Variants in VWA3A observed in about 807,000 individuals in gnomAD.
VWA3A encodes the protein von Willebrand factor A domain-containing protein 3A.
Under a neutral mutation model 160.4 loss-of-function variants are expected in VWA3A, and 134 were observed. The ratio of observed to expected loss-of-function variants is 0.84; its 90% CI spans 0.73 to 0.96. The LOEUF (loss-of-function observed/expected upper bound fraction) is 0.96. VWA3A is among the 40% of genes least tolerant of loss of function. The pLI is 0.00. For missense variants in VWA3A, 1,310 were observed against 1,447.9 expected, an observed-to-expected ratio of 0.90 and a Z score of 1.55; for synonymous variants, 476 against 543.4, an observed-to-expected ratio of 0.88 and a Z score of 1.72.
chr16:22,138,262 A>G, intron 21 of VWA3A, 98 bp from the exon 22 acceptor site: 1 of 1,415,082 alleles, frequency 7.1e-7, no homozygotes, highest in Non-Finnish European at 9.5e-7. Context: ...AGGGGACATC[A>G]GAGGTTCCAG....
intron 1 of VWA3A, among the ~76,000 whole-genome samples, chr16:22,094,335 T>A (rs536595300): frequency 4.0e-5 from 6 of 151,474 alleles, no homozygotes; most frequent in Non-Finnish European, 7.4e-5. Context: ...TTTTTTTTTT[T>A]AAAGCATTGC....
intron 7 of VWA3A, 143 bp from the exon 8 acceptor site, chr16:22,110,745 G>A: frequency 1.7e-6 from 1 of 597,896 alleles, no homozygotes; most frequent in South Asian, 3.2e-5. Context: ...TCGGCTTGGG[G>A]CTGGCTGCTA....
At chr16:22,117,281 C>T in intron 11 of VWA3A, 105 bp downstream of exon 11, 1 of 1,202,132 alleles carries the variant, frequency 8.3e-7, no homozygotes, top group Non-Finnish European at 1.2e-6. Flanking sequence ...ACTTGTTTCT[C>T]CTTTTCTCCT....
At position 22,116,082 on chromosome 16, in the gene VWA3A, CAGAAAGAAAGAG is replaced by C. The variant is rs567342155; in HGVS notation, c.815+622_815+633del. Among the ~76,000 whole-genome samples, 35 of 134,276 alleles carry C rather than the reference CAGAAAGAAAGAG, an allele frequency of 2.6e-4. 1 individual carries two copies. In the East Asian group the frequency reaches 4.9e-3, roughly 19 times the overall value. The allele number at this position is 134,276 out of a possible 152,430, so 88.1% of individuals were successfully genotyped here. A position where few individuals can be genotyped will look rare whatever the true frequency, so the allele number is the denominator to read the frequency against. On this transcript the variant is annotated intron_variant, in intron 9 of 33. Coordinates refer to ENST00000389398, the MANE Select transcript of VWA3A (RefSeq NM_173615.5). Reference sequence around the variant, plus strand: ...ATGAGGGAGGGATGGCAGTCACAGGCAGAAAGAAAGAGAGAAAGAAAGAAAGAAACAAGAAAA... The same window carrying C: ...ATGAGGGAGGGATGGCAGTCACAGGCAGAAAGAAAGAAAGAAACAAGAAAA...
rs1025619508 is a variant in VWA3A, at chr16:22,142,539, G to A, written c.2495-129G>A. On this transcript the variant is annotated intron_variant, in intron 24 of 33. Transcript: ENST00000389398. ...AGAGAGAGCATTGATCTATTCATGA[G>A]GGATCCGTTCCCATGACCCAAACAC... The A allele has an allele frequency of 7.5e-6, 5 of 664,936 alleles. No homozygotes were observed. The African/African-American group carries it at 8.9e-5, about 12-fold the overall frequency. 41.2% of individuals were successfully genotyped at this position (664,936 alleles called of 1,614,324 possible). A position where few individuals can be genotyped will look rare whatever the true frequency, so the allele number is the denominator to read the frequency against.
At chr16:22,104,275 G>T (rs572333343) in intron 6 of VWA3A, among the ~76,000 whole-genome samples, 1 of 152,112 alleles carries the variant, frequency 6.6e-6, no homozygotes, top group Non-Finnish European at 1.5e-5. Context: ...ATCACCTGAG[G>T]TTGGGAGTTC....
chr16:22,148,340 G>A (rs1350031021), intron 28 of VWA3A, 34 bp downstream of exon 28: 15 of 1,567,338 alleles, frequency 9.6e-6, no homozygotes, highest in African/African-American at 1.4e-5. Flanking sequence ...AAGATCAAAG[G>A]GGCAGTTCCT....
chr16:22,119,114 C>T (rs1482734648), intron 12 of VWA3A, 87 bp downstream of exon 12: 1 of 1,433,272 alleles, frequency 7.0e-7, no homozygotes. Context: ...TCATAGGGGG[C>T]ACAGCTGCCA....
intron 16 of VWA3A, among the ~76,000 whole-genome samples, chr16:22,125,675 G>A (rs544255580): frequency 1.4e-4 from 22 of 152,014 alleles, no homozygotes; most frequent in African/African-American, 4.6e-4. Flanking sequence ...CGCCCGCCTC[G>A]GCCTCCCAGA....
Position 22,149,770 on chromosome 16 carries a change from CT to C in VWA3A, c.2985-13del. On this transcript the variant is annotated splice_polypyrimidine_tract_variant and intron_variant, in intron 28 of 33. Coordinates refer to ENST00000389398, the MANE Select transcript of VWA3A (RefSeq NM_173615.5). Reference sequence around the variant, plus strand: ...TCCCCTTCTCTGCCCCTCACCTCCTCTTTTCCTCCTCCCCAGTTTTAACCTG... The same window carrying C: ...TCCCCTTCTCTGCCCCTCACCTCCTCTTTCCTCCTCCCCAGTTTTAACCTG... 6.3e-7 allele frequency: 1 copy of C among 1,583,990 alleles called. No homozygotes were observed. The highest frequency in any genetic ancestry group is 1.7e-5 in the Admixed American group (1 of 58,004).
chr16:22,152,045 C>A (rs528539389), intron 30 of VWA3A, among the ~76,000 whole-genome samples: 34 of 152,278 alleles, frequency 2.2e-4, no homozygotes, highest in African/African-American at 8.2e-4. Context: ...CCCGTCTCAA[C>A]TAAAAACATA....
At chr16:22,115,837 G>A (rs982037839) in intron 9 of VWA3A, among the ~76,000 whole-genome samples, 2 of 1,432 alleles carry the variant, frequency 1.4e-3, no homozygotes, top group Non-Finnish European at 3.1e-3. Context: ...ACCCAGGGAA[G>A]GAAGGAAGGA....
Position 22,144,358 on chromosome 16 carries a change from A to C in VWA3A, c.2704A>C (p.Ser902Arg). ...GQRSASAKHC[S>R]IFPSVEIHGV... is the part of the protein sequence containing the mutation. ...GAGGTCAGCATCCGCCAAACACTGC[A>C]GCATCTTCCCCAGCGTTGAGATCCA... Residue 902 changes from serine (S) to arginine (R), a missense_variant, in exon 26 of 34, where the codon AGC (serine) becomes CGC (arginine). Ser to Arg is a moderately radical substitution (Grantham distance 110). Coordinates refer to ENST00000389398, the MANE Select transcript of VWA3A (RefSeq NM_173615.5). 6.2e-7 allele frequency: 1 copy of C among 1,613,898 alleles called. No homozygotes were observed. The highest frequency in any genetic ancestry group is 8.5e-7 in the Non-Finnish European group (1 of 1,179,874).
intron 21 of VWA3A, among the ~76,000 whole-genome samples, chr16:22,136,891 A>G (rs533612027): frequency 8.2e-4 from 100 of 121,244 alleles, no homozygotes; most frequent in Non-Finnish European, 1.2e-3. Flanking sequence ...ACACACACAC[A>G]CACGCACACA....
chr16:22,149,585 GT>G (rs2046311866), intron 28 of VWA3A, among the ~76,000 whole-genome samples: 1 of 152,132 alleles, frequency 6.6e-6, no homozygotes, highest in African/African-American at 2.4e-5. Flanking sequence ...CATTCAAATT[GT>G]CAGTGTGTAC....
Position 22,097,706 on chromosome 16 carries a change from T to C in VWA3A, c.225+11T>C. 2.6e-6 allele frequency: 4 copies of C among 1,551,364 alleles called. No individual in the cohort carries two copies. The highest frequency in any genetic ancestry group is 3.5e-6 in the Non-Finnish European group (4 of 1,146,786). On this transcript the variant is annotated intron_variant, in intron 3 of 33. Coordinates refer to ENST00000389398, the MANE Select transcript of VWA3A (RefSeq NM_173615.5). ...ACACAGGACTTACTGGTAAAGACCA[T>C]GGCACTTTAACTGGGTCGTGATACT...
intron 1 of VWA3A, among the ~76,000 whole-genome samples, chr16:22,093,874 C>T (rs1901431253): frequency 6.6e-6 from 1 of 152,082 alleles, no homozygotes; most frequent in Non-Finnish European, 1.5e-5. Context: ...AAGTGACCTG[C>T]CCACCCCATC....
intron 12 of VWA3A, among the ~76,000 whole-genome samples, chr16:22,120,063 G>A (rs2045707234): frequency 6.6e-6 from 1 of 151,816 alleles, no homozygotes; most frequent in South Asian, 2.1e-4. Flanking sequence ...TCCTCATTAT[G>A]AGATAGGCAC....
chr16:22,145,306 A>G (rs1567223732), intron 26 of VWA3A, among the ~76,000 whole-genome samples: 1 of 152,108 alleles, frequency 6.6e-6, no homozygotes, highest in Non-Finnish European at 1.5e-5. Flanking sequence ...AAATTTATGA[A>G]CTTCTTACCC....
Sources: allele counts gnomAD v4.1 joint callset (sites outside exome capture counted in the v4.1 genomes callset), GRCh38; gene constraint gnomAD v4.1.1; transcripts MANE v1.5; gene names NCBI Gene and HGNC (gene_info 2026-07-23, HGNC 2026-07-21).